The following PIP4K2A variants were observed in gnomAD, a reference collection of about 807,000 sequenced individuals.
PIP4K2A encodes phosphatidylinositol 5-phosphate 4-kinase type-2 alpha.
PIP4K2A carries 14 observed loss-of-function variants against 42.9 expected under a neutral mutation model. The observed-to-expected ratio is 0.33, with a 90% CI of 0.22 to 0.51. The LOEUF is 0.51. Ranked by LOEUF, PIP4K2A falls within the 20% of genes least tolerant of loss-of-function variation. The pLI, the probability that PIP4K2A is intolerant of heterozygous loss-of-function variation, is 0.97. For missense variants in PIP4K2A, 434 were observed against 519.8 expected (o/e 0.83, Z 1.61); for synonymous variants, 192 against 192.2 (o/e 1.00, Z 0.01).
At chr10:22,713,204 A>T (rs908473651) in intron 1 of PIP4K2A, among the ~76,000 whole-genome samples, 1 of 152,210 alleles carries the variant, frequency 6.6e-6, no homozygotes, top group Non-Finnish European at 1.5e-5. Context: ...CTGTCAGATC[A>T]GCAGGAGGCT....
chr10:22,597,558 A>C (rs1380900963), intron 3 of PIP4K2A, among the ~76,000 whole-genome samples: 2 of 152,154 alleles, frequency 1.3e-5, no homozygotes, highest in Non-Finnish European at 2.9e-5. Flanking sequence ...AAGAATGCCA[A>C]AGTTGAAAGG....
Position 22,714,414 on chromosome 10 carries a change from C to T in PIP4K2A, c.-88G>A, listed in dbSNP as rs552699127. On this transcript the variant is annotated 5_prime_UTR_variant, in exon 1 of 10. Transcript: ENST00000376573. Reference sequence around the variant, plus strand: ...CCCCGGCCCGGGGAGGCAGCCGCATCCCCCCGGCGGCGGCCCCGGCGCGCC... The same window carrying T: ...CCCCGGCCCGGGGAGGCAGCCGCATTCCCCCGGCGGCGGCCCCGGCGCGCC... 13 of 960,720 alleles carry T rather than the reference C, an allele frequency of 1.4e-5. No individual in the cohort carries two copies. Among genetic ancestry groups the T allele is most frequent in the South Asian group, 9.5e-5 (2 of 21,020 alleles). 59.5% of individuals were successfully genotyped at this position (960,720 alleles called of 1,614,324 possible).
intron 1 of PIP4K2A, among the ~76,000 whole-genome samples, chr10:22,705,717 T>C (rs1833811334): frequency 6.6e-6 from 1 of 152,032 alleles, no homozygotes; most frequent in Non-Finnish European, 1.5e-5. Context: ...ATTTCTAACA[T>C]GTTACTGGGT....
chr10:22,689,252 C>A (rs1164574784), intron 1 of PIP4K2A, among the ~76,000 whole-genome samples: 1 of 151,906 alleles, frequency 6.6e-6, no homozygotes, highest in East Asian at 1.9e-4. Context: ...GAGCTTACTT[C>A]TGAGCACTCA....
chr10:22,579,514 C>G (rs530828754), intron 4 of PIP4K2A, among the ~76,000 whole-genome samples: 8 of 152,330 alleles, frequency 5.3e-5, no homozygotes, highest in African/African-American at 1.9e-4. Context: ...TCCAGCTCCT[C>G]CCTATCCTCA....
intron 1 of PIP4K2A, among the ~76,000 whole-genome samples, chr10:22,669,269 T>C (rs1184417761): frequency 1.3e-5 from 2 of 152,112 alleles, no homozygotes; most frequent in African/African-American, 4.8e-5. Flanking sequence ...ATGAGCCGCA[T>C]AACGACACTG....
At chr10:22,569,957 T>C (rs191154043) in intron 5 of PIP4K2A, among the ~76,000 whole-genome samples, 2 of 151,842 alleles carry the variant, frequency 1.3e-5, no homozygotes, top group Admixed American at 1.3e-4. Flanking sequence ...GAAAGGGAGA[T>C]GAAACTGTGA....
At chr10:22,538,457 C>G (rs953655338) in intron 9 of PIP4K2A, among the ~76,000 whole-genome samples, 9 of 152,120 alleles carry the variant, frequency 5.9e-5, no homozygotes, top group African/African-American at 2.2e-4. Flanking sequence ...CCAGACAACT[C>G]TTGTATCTCT....
intron 5 of PIP4K2A, 116 bp from the exon 6 acceptor site, chr10:22,568,005 T>C: frequency 4.4e-6 from 4 of 902,014 alleles, no homozygotes; most frequent in Non-Finnish European, 7.4e-6. Flanking sequence ...CCACTCTGCT[T>C]CGCAGCCCAT....
chr10:22,575,491 T>C (rs757855567), intron 4 of PIP4K2A, among the ~76,000 whole-genome samples: 1 of 152,218 alleles, frequency 6.6e-6, no homozygotes, highest in Non-Finnish European at 1.5e-5. Flanking sequence ...CCATTATTCA[T>C]GCTACAAATA....
At chr10:22,702,225 G>A (rs1180436701) in intron 1 of PIP4K2A, among the ~76,000 whole-genome samples, 1 of 152,190 alleles carries the variant, frequency 6.6e-6, no homozygotes, top group Non-Finnish European at 1.5e-5. Context: ...GCACCATGAA[G>A]AAGAACCAGC....
chr10:22,636,958 G>C (rs765132993), intron 1 of PIP4K2A, among the ~76,000 whole-genome samples: 1 of 152,356 alleles, frequency 6.6e-6, no homozygotes, highest in South Asian at 2.1e-4. Flanking sequence ...AGCCACGTGA[G>C]TGAGACCAGA....
At chr10:22,660,592 G>A (rs993657729) in intron 1 of PIP4K2A, among the ~76,000 whole-genome samples, 1 of 152,036 alleles carries the variant, frequency 6.6e-6, no homozygotes, top group Non-Finnish European at 1.5e-5. Context: ...ACAGGATCCC[G>A]TTAAACAAAT....
intron 1 of PIP4K2A, among the ~76,000 whole-genome samples, chr10:22,681,891 C>G (rs979974266): frequency 2.6e-5 from 4 of 152,188 alleles, no homozygotes. Flanking sequence ...CAGCTACAAA[C>G]TGGCAAACAA....
At chr10:22,565,761 A>G (rs1836832452) in intron 6 of PIP4K2A, among the ~76,000 whole-genome samples, 1 of 152,246 alleles carries the variant, frequency 6.6e-6, no homozygotes, top group Admixed American at 6.5e-5. Flanking sequence ...TGGGAGAAAT[A>G]TCGCTGAATT....
chr10:22,670,880 C>T (rs1291376615), intron 1 of PIP4K2A, among the ~76,000 whole-genome samples: 6 of 152,122 alleles, frequency 3.9e-5, no homozygotes, highest in Admixed American at 3.9e-4. Flanking sequence ...ACACTAGAAA[C>T]TATAATTTGA....
chr10:22,539,024 C>T (rs1322726392), intron 9 of PIP4K2A, among the ~76,000 whole-genome samples: 1 of 152,108 alleles, frequency 6.6e-6, no homozygotes, highest in Non-Finnish European at 1.5e-5. Flanking sequence ...GCCAACAAAC[C>T]AGGGAATACA....
chr10:22,602,931 G>A (rs1837822849), intron 3 of PIP4K2A, among the ~76,000 whole-genome samples: 1 of 152,098 alleles, frequency 6.6e-6, no homozygotes, highest in African/African-American at 2.4e-5. Context: ...CACTGCTCCT[G>A]CCCTCAGGCA....
intron 1 of PIP4K2A, among the ~76,000 whole-genome samples, chr10:22,665,461 A>G (rs148030661): frequency 6.6e-6 from 1 of 152,054 alleles, no homozygotes; most frequent in Admixed American, 6.6e-5. Flanking sequence ...GTATCTTTTG[A>G]GACAGGGTCT....
Sources: gnomAD v4.1 joint callset for allele counts (sites outside exome capture counted in the v4.1 genomes callset) on GRCh38, gnomAD v4.1.1 for gene constraint, MANE v1.5 for transcripts, NCBI Gene and HGNC (gene_info 2026-07-23, HGNC 2026-07-21) for gene names.